Variants in FGFR2 observed in about 807,000 individuals in gnomAD.
FGFR2 encodes the protein fibroblast growth factor receptor 2.
A neutral mutation model predicts 95.9 loss-of-function variants in FGFR2; 19 were observed. The observed-to-expected ratio is 0.20, with a 90% CI of 0.14 to 0.29. FGFR2 has a LOEUF of 0.29. FGFR2 is among the 10% of genes least tolerant of loss of function. The pLI is 1.00. For missense variants in FGFR2, 707 were observed against 1,056.9 expected (o/e 0.67, Z 4.59); for synonymous variants, 392 against 393.3 (o/e 1.00, Z 0.04).
In FGFR2 at chr10:121,488,066, GT is replaced by G; in HGVS notation, c.1910del (p.Asn637ThrfsTer3). ...LAARNVLVTENNVMKIADFGL... is the reference protein window; with the variant it reads ...LAARNVLVTEXNVMKIADFGL... ...CAAAGTCTGCTATTTTCATCACATT[GT>G]TTTCTGTTACCAAAACATTTCTGGC... On this transcript the variant is annotated frameshift_variant, in exon 14 of 18. Coordinates refer to ENST00000358487, the MANE Select transcript of FGFR2 (RefSeq NM_000141.5). LOFTEE classifies it high-confidence loss of function. 1 of 1,613,972 alleles carries G rather than the reference GT, an allele frequency of 6.2e-7. No homozygotes were observed. Among genetic ancestry groups the G allele is most frequent in the Admixed American group, 1.7e-5 (1 of 60,000 alleles).
intron 5 of FGFR2, among the ~76,000 whole-genome samples, chr10:121,547,511 C>A (rs1420319327): frequency 6.6e-6 from 1 of 151,698 alleles, no homozygotes. Context: ...CCTCCCACCT[C>A]AGCTGCTTGA....
chr10:121,519,391 A>G (rs1850180228), intron 7 of FGFR2, among the ~76,000 whole-genome samples: 1 of 152,204 alleles, frequency 6.6e-6, no homozygotes, highest in African/African-American at 2.4e-5. Context: ...TCAACATTTC[A>G]CTGGTGCAGA....
intron 4 of FGFR2, among the ~76,000 whole-genome samples, chr10:121,552,432 G>T (rs1158759900): frequency 6.6e-6 from 1 of 152,152 alleles, no homozygotes; most frequent in East Asian, 1.9e-4. Context: ...AACAAGAAAG[G>T]CACTATCATA....
chr10:121,507,448 C>G (rs1255493126), intron 9 of FGFR2, among the ~76,000 whole-genome samples: 1 of 152,110 alleles, frequency 6.6e-6, no homozygotes, highest in African/African-American at 2.4e-5. Flanking sequence ...GTTAGCCGGG[C>G]ATGGTGGTGA....
chr10:121,567,811 G>T (rs1857926006), intron 2 of FGFR2, among the ~76,000 whole-genome samples: 1 of 152,220 alleles, frequency 6.6e-6, no homozygotes, highest in Non-Finnish European at 1.5e-5. Context: ...TGTGTTACAA[G>T]GGCAGAGTTC....
intron 13 of FGFR2, among the ~76,000 whole-genome samples, chr10:121,490,025 A>C (rs1026698924): frequency 6.6e-6 from 1 of 152,240 alleles, no homozygotes; most frequent in Non-Finnish European, 1.5e-5. Flanking sequence ...ACCTGGCCTC[A>C]GCCTGAATGT....
chr10:121,566,794 G>A (rs1857731000), intron 2 of FGFR2, among the ~76,000 whole-genome samples: 1 of 151,756 alleles, frequency 6.6e-6, no homozygotes, highest in African/African-American at 2.4e-5. Context: ...TGTGCTTCCC[G>A]CCACCGACCC....
chr10:121,531,038 T>C lies in FGFR2; in HGVS notation c.748+7554A>G, dbSNP rs539076355. On this transcript the variant is annotated intron_variant, in intron 6 of 17. Transcript: ENST00000358487. The surrounding 1 kb of genome is among the most constrained non-coding windows in gnomAD (Gnocchi z 4.5). ...CCACACCATAAATGAAATGCCAAGA[T>C]TAAATGCCAGACCAAATATTAGCCC... 6.6e-6 allele frequency among the ~76,000 whole-genome samples: 1 copy of C among 152,278 alleles called. No individual in the cohort carries two copies. The highest frequency in any genetic ancestry group is 1.9e-4 in the East Asian group (1 of 5,170).
At chr10:121,499,669 C>A (rs1388544038) in intron 11 of FGFR2, among the ~76,000 whole-genome samples, 1 of 152,224 alleles carries the variant, frequency 6.6e-6, no homozygotes, top group African/African-American at 2.4e-5. Context: ...ACCAGAAGTT[C>A]CGCCAAAAGA....
rs529337365 is a variant in FGFR2 at position 121,515,159 on chromosome 10, C to G, written c.1245G>C (p.Val415=). 1 of 1,614,186 alleles carries G rather than the reference C, an allele frequency of 6.2e-7. No homozygotes were observed. ...KKPDFSSQPA[V]HKLTKRIPLR... is the part of the protein sequence containing the mutation. ...GGGGGATACGTTTGGTCAGCTTGTG[C>G]ACAGCCGGCTGGCTGCTGAAGTCTG... is the stretch of plus-strand genomic sequence containing the variant. Residue 415 remains valine, a synonymous_variant, in exon 9 of 18, where the codon GTG becomes GTC. Transcript: ENST00000358487.
intron 1 of FGFR2, among the ~76,000 whole-genome samples, chr10:121,596,245 C>T (rs1193978831): frequency 6.6e-6 from 1 of 152,204 alleles, no homozygotes; most frequent in Non-Finnish European, 1.5e-5. Flanking sequence ...GCCCGCCCCC[C>T]GGTCCATTTT....
chr10:121,590,946 G>C (rs1862532294), intron 2 of FGFR2, among the ~76,000 whole-genome samples: 1 of 152,192 alleles, frequency 6.6e-6, no homozygotes, highest in Non-Finnish European at 1.5e-5. Context: ...ATGGAGAACT[G>C]ATGGACAGGG....
At chr10:121,500,725 T>C (rs2134001655) in intron 11 of FGFR2, 101 bp downstream of exon 11, 1 of 1,534,690 alleles carries the variant, frequency 6.5e-7, no homozygotes, top group Non-Finnish European at 8.9e-7. Context: ...CTATGTGCTC[T>C]CTGACCCCGT....
chr10:121,527,296 G>A (rs1181147203), intron 6 of FGFR2, among the ~76,000 whole-genome samples: 1 of 152,162 alleles, frequency 6.6e-6, no homozygotes, highest in South Asian at 2.1e-4. Context: ...CGAATTACAG[G>A]AGTAGGGCTG....
Position 121,496,679 on chromosome 10 carries a change from G to A in FGFR2, c.1716C>T (p.Leu572=), listed in dbSNP as rs1222100043. ...GCCTCCGGGCTCGGAGGTATTCTCG[G>A]AGGTTGCCTTTAGAGGCATACTCAA... is the stretch of plus-strand genomic sequence containing the variant. ...VIVEYASKGN[L]REYLRARRPP... Residue 572 remains leucine, a synonymous_variant, in exon 13 of 18, where the codon CTC becomes CTT. Coordinates refer to ENST00000358487, the MANE Select transcript of FGFR2 (RefSeq NM_000141.5). 6 of 1,612,370 alleles carry A rather than the reference G, an allele frequency of 3.7e-6. No homozygotes were observed. The highest frequency in any genetic ancestry group is 5.1e-6 in the Non-Finnish European group (6 of 1,179,994).
Position 121,485,289 on chromosome 10 carries a change from G to A in FGFR2, c.2195+106C>T. The A allele has an allele frequency of 6.8e-7, 1 of 1,474,246 alleles. No individual in the cohort carries two copies. The highest frequency in any genetic ancestry group is 9.5e-7 in the Non-Finnish European group (1 of 1,055,846). The allele number at this position is 1,474,246 out of a possible 1,614,324, so 91.3% of individuals were successfully genotyped here. A position where few individuals can be genotyped will look rare whatever the true frequency, so the allele number is the denominator to read the frequency against. On this transcript the variant is annotated intron_variant, in intron 16 of 17. Transcript: ENST00000358487. This position sits in a 1 kb window ranked among gnomAD's most constrained non-coding sequence, Gnocchi z 4.2. ...GAGAGCTTCAGCCATTCTTCTTAGA[G>A]CATGTTTAGGAAACCAGGGGCCTTC...
Position 121,593,831 on chromosome 10 carries a change from A to G in FGFR2, c.-14T>C, listed in dbSNP as rs1863043392. ...CCAGCTGACCATGGTTACGGTACCAATCCCCGGTCCTCTTCCATATCTCCA... is the reference window on the plus strand; with the variant it reads ...CCAGCTGACCATGGTTACGGTACCAGTCCCCGGTCCTCTTCCATATCTCCA... On this transcript the variant is annotated 5_prime_UTR_variant, in exon 2 of 18. Transcript: ENST00000358487. The G allele has an allele frequency of 6.2e-7, 1 of 1,611,140 alleles. No homozygotes were observed.
chr10:121,575,583 G>A (rs1413352811), intron 2 of FGFR2, among the ~76,000 whole-genome samples: 1 of 152,132 alleles, frequency 6.6e-6, no homozygotes, highest in Non-Finnish European at 1.5e-5. Flanking sequence ...GGCCGAGTGC[G>A]GTGGCTCATG....
intron 4 of FGFR2, among the ~76,000 whole-genome samples, chr10:121,560,958 T>C (rs1856872282): frequency 6.6e-6 from 1 of 152,084 alleles, no homozygotes; most frequent in Non-Finnish European, 1.5e-5. Context: ...GTCCAGGAAC[T>C]TTACTTTGAG....
Sources: allele counts gnomAD v4.1 joint callset (sites outside exome capture counted in the v4.1 genomes callset), GRCh38; gene constraint gnomAD v4.1.1; non-coding constraint Gnocchi (gnomAD v3.1); transcripts MANE v1.5; gene names NCBI Gene and HGNC (gene_info 2026-07-23, HGNC 2026-07-21).